The following LIPC variants were observed in gnomAD, a reference collection of about 807,000 sequenced individuals.
LIPC encodes the protein lipase C, hepatic type, also known as hepatic triacylglycerol lipase.
A neutral mutation model predicts 50.7 loss-of-function variants in LIPC; 44 were observed. The observed-to-expected ratio is 0.87, with a 90% CI of 0.68 to 1.11. The LOEUF (loss-of-function observed/expected upper bound fraction) is 1.11. Among genes scored for constraint, LIPC ranks in the 50% most tolerant of loss-of-function variants. The probability of loss-of-function intolerance (pLI) is 0.00; values close to 1 mark genes in which losing one functional copy is unlikely to be tolerated. For synonymous variants in LIPC, 271 were observed against 256.4 expected (o/e 1.06, Z -0.54); for missense variants, 697 against 648.2 (o/e 1.08, Z -0.82).
intron 1 of LIPC, among the ~76,000 whole-genome samples, chr15:58,440,918 T>G (rs1471802585): frequency 6.6e-6 from 1 of 152,014 alleles, no homozygotes; most frequent in Admixed American, 6.6e-5. Flanking sequence ...ATGGGGTACA[T>G]AAAAAGAAGT....
At chr15:58,552,111 C>G (rs904225575) in intron 6 of LIPC, among the ~76,000 whole-genome samples, 5 of 152,168 alleles carry the variant, frequency 3.3e-5, no homozygotes, top group African/African-American at 1.2e-4. Flanking sequence ...AATCCTGTTT[C>G]GCCAGTGCCT....
intron 1 of LIPC, among the ~76,000 whole-genome samples, chr15:58,459,803 G>C (rs1467964170): frequency 2.0e-5 from 3 of 152,238 alleles, no homozygotes; most frequent in Non-Finnish European, 4.4e-5. Flanking sequence ...CCCCTTGGGG[G>C]AAGGACAGAG....
At chr15:58,502,460 A>AC (rs1289455373) in intron 1 of LIPC, among the ~76,000 whole-genome samples, 4 of 150,062 alleles carry the variant, frequency 2.7e-5, no homozygotes, top group African/African-American at 9.8e-5. Context: ...CTTAGCTCCT[A>AC]CCGTTGGGTT....
intron 8 of LIPC, 91 bp downstream of exon 8, chr15:58,563,814 A>AG (rs1293397128): frequency 9.3e-7 from 1 of 1,079,370 alleles, no homozygotes; most frequent in Non-Finnish European, 1.4e-6. Flanking sequence ...TCATCATGTG[A>AG]GGTGAGTATT....
In LIPC at chr15:58,545,882, G is replaced by A. The variant is rs199787635; in HGVS notation, c.715G>A (p.Gly239Arg). 34 of 1,614,186 alleles carry A rather than the reference G, an allele frequency of 2.1e-5. No homozygotes were observed. In the African/African-American group the frequency reaches 4.1e-4, roughly 20 times the overall value. Residue 239 changes from glycine to arginine, a missense_variant, in exon 5 of 9, where the codon GGA becomes AGA. Gly to Arg is a moderately radical substitution (Grantham distance 125). Transcript: ENST00000299022. ...GLSVGIKQPI[G>R]HYDFYPNGGS... The stretch of plus-strand genomic sequence containing the variant: ...GAGCGTGGGCATCAAACAGCCCATA[G>A]GACACTATGACTTCTATCCCAACGG...
chr15:58,460,821 C>T (rs189782223), intron 1 of LIPC, among the ~76,000 whole-genome samples: 56 of 152,330 alleles, frequency 3.7e-4, no homozygotes, highest in African/African-American at 1.3e-3. Context: ...AGCTCAGGAA[C>T]AGACTTCCTT....
chr15:58,443,921 G>T (rs1035694231), intron 1 of LIPC, among the ~76,000 whole-genome samples: 5 of 152,280 alleles, frequency 3.3e-5, no homozygotes, highest in Admixed American at 2.6e-4. Context: ...TCTTCAGGGT[G>T]GGGGAGATTA....
intron 1 of LIPC, chr15:58,522,773 C>G (rs1255994333): frequency 6.6e-6 from 1 of 152,466 alleles, no homozygotes; most frequent in Non-Finnish European, 1.5e-5. Flanking sequence ...GGGCTCTGTC[C>G]CCTTGCAGAG....
At chr15:58,435,141 G>A (rs1242025652) in intron 1 of LIPC, 1 of 152,154 alleles carries the variant, frequency 6.6e-6, no homozygotes, top group African/African-American at 2.4e-5. Context: ...CACATATAAT[G>A]TAATTTTATG....
At position 58,506,743 on chromosome 15, in the gene LIPC, GC is replaced by G. The variant is rs1476519368; in HGVS notation, c.89-31584del. Among the ~76,000 whole-genome samples the G allele has an allele frequency of 4.6e-5, 7 of 152,282 alleles. No homozygotes were observed. The East Asian group carries it at 1.4e-3, about 29-fold the overall frequency. The stretch of plus-strand genomic sequence containing the variant: ...CTCCTAAGCCCTGCTGGCTCCCTCT[GC>G]CCCCCACCCTGACGTGGGGGAAGAT... On this transcript the variant is annotated intron_variant, in intron 1 of 8. Coordinates refer to ENST00000299022, the MANE Select transcript of LIPC (RefSeq NM_000236.3).
At chr15:58,499,976 A>G (rs1891921286) in intron 1 of LIPC, among the ~76,000 whole-genome samples, 1 of 152,172 alleles carries the variant, frequency 6.6e-6, no homozygotes, top group Non-Finnish European at 1.5e-5. Context: ...ATTTGGTACA[A>G]GAGATCCAGA....
intron 1 of LIPC, among the ~76,000 whole-genome samples, chr15:58,505,929 C>T (rs933626519): frequency 9.2e-5 from 14 of 152,222 alleles, no homozygotes; most frequent in Admixed American, 5.9e-4. Flanking sequence ...CGCGAGCTCC[C>T]TCCTCACAAG....
chr15:58,441,212 T>G (rs1165173035), intron 1 of LIPC, among the ~76,000 whole-genome samples: 1 of 152,248 alleles, frequency 6.6e-6, no homozygotes, highest in Non-Finnish European at 1.5e-5. Flanking sequence ...CCTCAAGGCT[T>G]GGAGCAAGTC....
chr15:58,464,415 G>C (rs181595316), intron 1 of LIPC, among the ~76,000 whole-genome samples: 35 of 152,310 alleles, frequency 2.3e-4, no homozygotes, highest in African/African-American at 8.4e-4. Flanking sequence ...GTTCAACAGA[G>C]CTTTTCATTA....
chr15:58,507,534 T>C (rs904502991), intron 1 of LIPC, among the ~76,000 whole-genome samples: 3 of 152,340 alleles, frequency 2.0e-5, no homozygotes, highest in Admixed American at 1.3e-4. Context: ...AATCAGTACT[T>C]GCCTTACTTT....
chr15:58,489,352 A>T (rs1240975435), intron 1 of LIPC, among the ~76,000 whole-genome samples: 1 of 152,070 alleles, frequency 6.6e-6, no homozygotes, highest in Non-Finnish European at 1.5e-5. Flanking sequence ...CTATTGTAGT[A>T]GAGTTTAACA....
At chr15:58,470,818 G>A (rs566550206) in intron 1 of LIPC, among the ~76,000 whole-genome samples, 1 of 152,078 alleles carries the variant, frequency 6.6e-6, no homozygotes, top group African/African-American at 2.4e-5. Flanking sequence ...AGCCAGGATG[G>A]TCTTGATCTC....
intron 1 of LIPC, among the ~76,000 whole-genome samples, chr15:58,526,220 C>G (rs1240841589): frequency 6.6e-6 from 1 of 152,240 alleles, no homozygotes; most frequent in African/African-American, 2.4e-5. Flanking sequence ...ATGAGAACCA[C>G]TGCTCACAAA....
At position 58,548,388 on chromosome 15, in the gene LIPC, C is replaced by T. The variant is rs765258214; in HGVS notation, c.867C>T (p.Ser289=). 2 of 1,614,160 alleles carry T rather than the reference C, an allele frequency of 1.2e-6. No homozygotes were observed. The highest frequency in any genetic ancestry group is 1.7e-6 in the Non-Finnish European group (2 of 1,180,028). ...HERSVHLFID[S]LLHAGTQSMA... is the part of the protein sequence containing the mutation. ...GATCGGTGCACCTTTTCATCGACTC[C>T]TTGCTGCACGCCGGCACGCAGAGCA... is the stretch of plus-strand genomic sequence containing the variant. Residue 289 remains serine, a synonymous_variant, in exon 6 of 9, where the codon TCC becomes TCT. Transcript: ENST00000299022.
Sources: gnomAD v4.1 joint callset for allele counts (sites outside exome capture counted in the v4.1 genomes callset) on GRCh38, gnomAD v4.1.1 for gene constraint, MANE v1.5 for transcripts, NCBI Gene and HGNC (gene_info 2026-07-23, HGNC 2026-07-21) for gene names.